Variants in SPAG1 observed in about 807,000 individuals in gnomAD.
SPAG1 encodes the protein sperm associated antigen 1, also known as sperm-associated antigen 1.
In SPAG1, 69 loss-of-function variants were observed where a neutral mutation model predicts 100.5. The observed-to-expected ratio is 0.69, with a 90% confidence interval of 0.57 to 0.84. The LOEUF (loss-of-function observed/expected upper bound fraction) is 0.84, where lower values mean the gene tolerates loss of function less well. SPAG1 is among the 40% of genes least tolerant of loss of function. The pLI, the probability that SPAG1 is intolerant of heterozygous loss-of-function variation, is 0.00. For missense variants in SPAG1, 955 were observed against 1,133.1 expected, an observed-to-expected ratio of 0.84 and a Z score of 2.26; for synonymous variants, 336 against 411.6, an observed-to-expected ratio of 0.82 and a Z score of 2.22.
chr8:100,160,542 G>T (rs763271205), intron 1 of SPAG1, among the ~76,000 whole-genome samples: 1 of 150,596 alleles, frequency 6.6e-6, no homozygotes, highest in Non-Finnish European at 1.5e-5. Flanking sequence ...CAGGAGAATC[G>T]CTTGAACCCA....
At position 100,184,676 on chromosome 8, in the gene SPAG1, A is replaced by G; in HGVS notation, c.644A>G (p.Lys215Arg). The change falls in exon 7 of 19, where the codon AAA becomes AGA. Residue 215 changes from lysine to arginine, a missense_variant. Physicochemically the swap from Lys to Arg is conservative, Grantham distance 26. Transcript: ENST00000388798. ...KDFLATREKE[K>R]GNEAFNSGDY... Reference sequence around the variant, plus strand: ...TTTCTTGCCACTCGTGAAAAGGAGAAAGGAAATGAAGCTTTCAACTCAGGA... The same window carrying G: ...TTTCTTGCCACTCGTGAAAAGGAGAGAGGAAATGAAGCTTTCAACTCAGGA... 4 of 1,586,436 alleles carry G rather than the reference A, an allele frequency of 2.5e-6. No homozygotes were observed. Among genetic ancestry groups the G allele is most frequent in the Non-Finnish European group, 2.6e-6 (3 of 1,170,968 alleles).
At position 100,191,278 on chromosome 8, in the gene SPAG1, G is replaced by A. The variant is rs961596257; in HGVS notation, c.833-112G>A. On this transcript the variant is annotated intron_variant, in intron 8 of 18. Transcript: ENST00000388798. ...GAAAAAGGGTGTAGTTGAGCTTTGG[G>A]TAATTACATCCTAAAGTATTCTGTG... 1.4e-5 allele frequency: 9 copies of A among 662,258 alleles called. No homozygotes were observed. In the Admixed American group the frequency reaches 1.6e-4, roughly 12 times the overall value. 41.0% of individuals were successfully genotyped at this position (662,258 alleles called of 1,614,324 possible).
chr8:100,175,017 G>C (rs1816045965), intron 3 of SPAG1, among the ~76,000 whole-genome samples: 1 of 149,686 alleles, frequency 6.7e-6, no homozygotes, highest in South Asian at 2.1e-4. Flanking sequence ...ATGTTGCCAG[G>C]GCTGGAACGT....
intron 14 of SPAG1, among the ~76,000 whole-genome samples, chr8:100,228,156 A>G (rs1563811502): frequency 6.6e-6 from 1 of 152,138 alleles, no homozygotes; most frequent in Non-Finnish European, 1.5e-5. Context: ...GATCTTTTGA[A>G]ACATGAAACA....
rs149527284 is a variant in SPAG1 at position 100,201,788 on chromosome 8, A to T, written c.1096+7520A>T. ...ACATACTCTGAGGGAAGGAATGCTG[A>T]CTTCAAAAATTTTCCTTCCGATAGC... On this transcript the variant is annotated intron_variant, in intron 10 of 18. Transcript: ENST00000388798. 3.3e-3 allele frequency among the ~76,000 whole-genome samples: 498 copies of T among 152,244 alleles called. 15 individuals are homozygous for T. Among genetic ancestry groups the T allele is most frequent in the Admixed American group, 0.03 (453 of 15,292 alleles).
At chr8:100,182,061 T>C (rs1816390841) in intron 4 of SPAG1, among the ~76,000 whole-genome samples, 1 of 152,200 alleles carries the variant, frequency 6.6e-6, no homozygotes. Context: ...AGATATGTAA[T>C]AGTTTAAAAA....
intron 9 of SPAG1, 89 bp downstream of exon 9, chr8:100,191,585 T>G: frequency 1.2e-6 from 1 of 860,128 alleles, no homozygotes; most frequent in Non-Finnish European, 1.9e-6. Context: ...CCAAACAAAT[T>G]ATGTTGAAGA....
chr8:100,219,588 A>G (rs1186802901), intron 12 of SPAG1, among the ~76,000 whole-genome samples: 1 of 152,240 alleles, frequency 6.6e-6, no homozygotes, highest in Admixed American at 6.5e-5. Flanking sequence ...CGAGGATTAT[A>G]TGTACAGTTT....
intron 16 of SPAG1, among the ~76,000 whole-genome samples, chr8:100,237,273 G>A (rs1819049686): frequency 1.3e-5 from 2 of 152,104 alleles, no homozygotes; most frequent in South Asian, 2.1e-4. Flanking sequence ...TAGAGACGGG[G>A]TTTAGCTGTG....
chr8:100,163,615 AC>A (rs906012319), intron 2 of SPAG1, among the ~76,000 whole-genome samples: 2 of 152,058 alleles, frequency 1.3e-5, no homozygotes, highest in African/African-American at 4.8e-5. Context: ...AATTCCTATT[AC>A]CCTGTGGTGG....
intron 9 of SPAG1, among the ~76,000 whole-genome samples, chr8:100,193,369 G>A (rs958444815): frequency 6.6e-6 from 1 of 152,090 alleles, no homozygotes; most frequent in Non-Finnish European, 1.5e-5. Flanking sequence ...GCAGGGGTGG[G>A]AGGATAATTT....
intron 10 of SPAG1, among the ~76,000 whole-genome samples, 169 bp from the exon 11 acceptor site, chr8:100,212,921 G>A (rs968030988): frequency 6.6e-6 from 1 of 152,140 alleles, no homozygotes; most frequent in South Asian, 2.1e-4. Context: ...GGACTGGGCC[G>A]ACTGGCTCTA....
chr8:100,186,176 C>T (rs558916172), intron 7 of SPAG1, among the ~76,000 whole-genome samples: 1 of 151,040 alleles, frequency 6.6e-6, no homozygotes, highest in African/African-American at 2.4e-5. Flanking sequence ...AGGGATCCTC[C>T]CACCTCAGCC....
chr8:100,199,241 G>A (rs571154771), intron 10 of SPAG1, among the ~76,000 whole-genome samples: 229 of 152,304 alleles, frequency 1.5e-3, no homozygotes, highest in African/African-American at 5.3e-3. Flanking sequence ...CCTGCAATAA[G>A]GGTTCCAATT....
intron 4 of SPAG1, among the ~76,000 whole-genome samples, chr8:100,179,070 AAAAAAAAAACCACAAAAACAAAC>A (rs1816252613): frequency 6.7e-6 from 1 of 150,350 alleles, no homozygotes; most frequent in African/African-American, 2.4e-5. Context: ...TCTCAAAAAA[AAAAAAAAAACCACAAAAACAAAC>A]AAAAAAACTC....
chr8:100,168,496 C>T (rs185537129), intron 3 of SPAG1, among the ~76,000 whole-genome samples: 3 of 151,820 alleles, frequency 2.0e-5, no homozygotes, highest in Admixed American at 6.6e-5. Context: ...CAGACTCAAG[C>T]GATGCTCCCA....
intron 1 of SPAG1, among the ~76,000 whole-genome samples, chr8:100,160,921 G>T (rs1201534093): frequency 6.6e-6 from 1 of 152,168 alleles, no homozygotes; most frequent in Non-Finnish European, 1.5e-5. Flanking sequence ...ATTAAGTGAG[G>T]TAATCTGTGT....
chr8:100,168,685 A>ATTTTTTTTTTTTTTTTTTTTT (rs1815675727), intron 3 of SPAG1, among the ~76,000 whole-genome samples: 1 of 55,384 alleles, frequency 1.8e-5, no homozygotes, highest in African/African-American at 8.9e-5. Flanking sequence ...ATGCCCAGCC[A>ATTTTTTTTTTTTTTTTTTTTT]TCTTTTTTTT....
chr8:100,215,823 CCA>C (rs766581615), intron 12 of SPAG1, among the ~76,000 whole-genome samples: 1 of 152,310 alleles, frequency 6.6e-6, no homozygotes, highest in East Asian at 1.9e-4. Flanking sequence ...CGCGCCCGGC[CCA>C]GTTTATTGAT....
Sources: gnomAD v4.1 joint callset for allele counts (sites outside exome capture counted in the v4.1 genomes callset) on GRCh38, gnomAD v4.1.1 for gene constraint, MANE v1.5 for transcripts, NCBI Gene and HGNC (gene_info 2026-07-23, HGNC 2026-07-21) for gene names.